The following MFAP3L variants were observed in gnomAD, a reference collection of about 807,000 sequenced individuals.
MFAP3L encodes the protein microfibril associated protein 3 like, also known as microfibrillar-associated protein 3-like.
In MFAP3L, 5 loss-of-function variants were observed where a neutral mutation model predicts 20.0. The observed-to-expected ratio is 0.25, with a 90% CI of 0.13 to 0.53. MFAP3L has a LOEUF of 0.53. MFAP3L is among the 20% of genes least tolerant of loss of function. MFAP3L has a pLI of 0.96. For missense variants in MFAP3L, 409 were observed against 527.5 expected (o/e 0.78, Z 2.20); for synonymous variants, 219 against 213.0 (o/e 1.03, Z -0.25).
Position 170,010,368 on chromosome 4 carries a change from T to C in MFAP3L, c.-133-4358A>G, listed in dbSNP as rs548150405. Among the ~76,000 whole-genome samples, 10 of 152,342 alleles carry C rather than the reference T, an allele frequency of 6.6e-5. No individual in the cohort carries two copies. In the South Asian group the frequency reaches 8.3e-4, roughly 13 times the overall value. ...CACCTAACACCTTTCAGGATCAGCA[T>C]AGAGTCTCTTGAACAGCATGGGTCT... On this transcript the variant is annotated intron_variant, in intron 1 of 2. Transcript: ENST00000361618.
chr4:170,008,478 G>C (rs577227719), intron 1 of MFAP3L, among the ~76,000 whole-genome samples: 1 of 152,266 alleles, frequency 6.6e-6, no homozygotes, highest in Admixed American at 6.5e-5. Flanking sequence ...AGGATTTAGG[G>C]GATGGGAAGT....
rs1163064701 is a variant in MFAP3L at position 169,989,223 on chromosome 4, G to A, written c.*2155C>T. 2 of 152,122 alleles carry A rather than the reference G, an allele frequency of 1.3e-5. No individual in the cohort carries two copies. Among genetic ancestry groups the A allele is most frequent in the East Asian group, 3.9e-4 (2 of 5,184 alleles). The allele number at this position is 152,122 out of a possible 1,614,324, so 9.4% of individuals were successfully genotyped here. On this transcript the variant is annotated 3_prime_UTR_variant, in exon 3 of 3. Transcript: ENST00000361618. ...CCCAACAGGAGTCATAATTTCTCCT[G>A]ATTTCTCACTGCTCATTTCTTTATG...
At chr4:169,997,182 T>A (rs1234848575) in intron 2 of MFAP3L, among the ~76,000 whole-genome samples, 1 of 151,984 alleles carries the variant, frequency 6.6e-6, no homozygotes, top group African/African-American at 2.4e-5. Flanking sequence ...TAAAAATAAA[T>A]TCCAACTACT....
rs1344131544 is a variant in MFAP3L, at chr4:169,988,924, AT to A, written c.*2453del. The stretch of plus-strand genomic sequence containing the variant: ...CTGAAAATCTGCCCACTTTTAGCTT[AT>A]TATCACTATTCAATGTCTAGGTGGA... On this transcript the variant is annotated 3_prime_UTR_variant, in exon 3 of 3. Coordinates refer to ENST00000361618, the MANE Select transcript of MFAP3L (RefSeq NM_021647.8). The A allele has an allele frequency of 1.3e-5, 2 of 152,152 alleles. No homozygotes were observed. The highest frequency in any genetic ancestry group is 2.9e-5 in the Non-Finnish European group (2 of 68,016). 9.4% of individuals were successfully genotyped at this position (152,152 alleles called of 1,614,324 possible). A position where few individuals can be genotyped will look rare whatever the true frequency, so the allele number is the denominator to read the frequency against.
At chr4:170,015,779 A>G (rs886924259) in intron 1 of MFAP3L, among the ~76,000 whole-genome samples, 3 of 152,120 alleles carry the variant, frequency 2.0e-5, no homozygotes, top group Non-Finnish European at 4.4e-5. Flanking sequence ...GCTGGAGTGA[A>G]GCCTGAGCCT....
intron 1 of MFAP3L, among the ~76,000 whole-genome samples, chr4:170,015,853 C>T (rs1739666843): frequency 6.6e-6 from 1 of 152,096 alleles, no homozygotes; most frequent in Admixed American, 6.5e-5. Context: ...GTAGCCATGC[C>T]ACGGACCCAA....
chr4:170,022,924 C>T (rs1740127839), intron 1 of MFAP3L, among the ~76,000 whole-genome samples: 1 of 152,204 alleles, frequency 6.6e-6, no homozygotes, highest in South Asian at 2.1e-4. Context: ...GTGCATTGGG[C>T]CCACCTGTAT....
At chr4:170,015,943 T>C (rs1328222481) in intron 1 of MFAP3L, among the ~76,000 whole-genome samples, 1 of 152,204 alleles carries the variant, frequency 6.6e-6, no homozygotes, top group Non-Finnish European at 1.5e-5. Flanking sequence ...GCCCGTGTCT[T>C]TGGGCCTTGA....
intron 2 of MFAP3L, chr4:170,004,848 A>C (rs1360889651): frequency 6.6e-6 from 1 of 152,234 alleles, no homozygotes; most frequent in South Asian, 2.1e-4. Flanking sequence ...CTAGGAAAGC[A>C]GATTAACTCC....
rs1262630545 is a variant in MFAP3L, at chr4:169,991,746, T to G, written c.862A>C (p.Thr288Pro). ...QEAADRDEVY[T>P]IPNSLKRSDS... ...CTCCGCTTCAGAGAGTTGGGGATTGTGTAGACCTCATCCCTGTCTGCGGCC... is the reference window on the plus strand; with the variant it reads ...CTCCGCTTCAGAGAGTTGGGGATTGGGTAGACCTCATCCCTGTCTGCGGCC... Residue 288 changes from threonine to proline, a missense_variant, in exon 3 of 3, where the codon ACA becomes CCA. Physicochemically the swap from Thr to Pro is conservative, Grantham distance 38 (BLOSUM62 -1). Around this residue, in one of 3 missense-constraint regions of MFAP3L, gnomAD observed 169 missense variants for 178.2 expected, o/e 0.95. Coordinates refer to ENST00000361618, the MANE Select transcript of MFAP3L (RefSeq NM_021647.8). The surrounding 1 kb of genome is among the most constrained non-coding windows in gnomAD (Gnocchi z 4.9). The G allele has an allele frequency of 6.2e-7, 1 of 1,614,084 alleles. No individual in the cohort carries two copies. Among genetic ancestry groups the G allele is most frequent in the Non-Finnish European group, 8.5e-7 (1 of 1,180,002 alleles).
At chr4:170,002,929 C>A (rs1738767080) in intron 2 of MFAP3L, among the ~76,000 whole-genome samples, 1 of 151,800 alleles carries the variant, frequency 6.6e-6, no homozygotes. Context: ...AAATCTATGT[C>A]CATATTATAA....
At chr4:170,025,474 T>C (rs79870105) in intron 1 of MFAP3L, among the ~76,000 whole-genome samples, 1,959 of 152,336 alleles carry the variant, frequency 0.013, 40 homozygotes, top group African/African-American at 0.045. Context: ...TTTTCTACAA[T>C]GTGAGCAGAT....
intron 2 of MFAP3L, among the ~76,000 whole-genome samples, chr4:170,000,964 C>G (rs1738575076): frequency 6.6e-6 from 1 of 152,138 alleles, no homozygotes; most frequent in African/African-American, 2.4e-5. Flanking sequence ...CTCAAGTGAC[C>G]CTCCCATCTT....
intron 1 of MFAP3L, among the ~76,000 whole-genome samples, chr4:170,009,776 T>G (rs1560983748): frequency 6.6e-6 from 1 of 152,248 alleles, no homozygotes; most frequent in Non-Finnish European, 1.5e-5. Context: ...AAATGCTTTG[T>G]TCAGTCCTAT....
At chr4:170,014,458 G>C (rs1739574208) in intron 1 of MFAP3L, among the ~76,000 whole-genome samples, 1 of 152,180 alleles carries the variant, frequency 6.6e-6, no homozygotes, top group Admixed American at 6.5e-5. Flanking sequence ...TTTTTGGCTA[G>C]AAAAATGGCT....
Position 170,026,315 on chromosome 4 carries a change from G to A in MFAP3L, c.-215C>T. On this transcript the variant is annotated 5_prime_UTR_variant, in exon 1 of 3. Coordinates refer to ENST00000361618, the MANE Select transcript of MFAP3L (RefSeq NM_021647.8). ...GACAGCGGCCGCTGCGCCGCACTCT[G>A]CGCCGGACGCCCGGTAGCGCCTACT... is the stretch of plus-strand genomic sequence containing the variant. 1.0e-6 allele frequency: 1 copy of A among 982,522 alleles called. No individual in the cohort carries two copies. The highest frequency in any genetic ancestry group is 1.2e-6 in the Non-Finnish European group (1 of 828,192). 60.9% of individuals were successfully genotyped at this position (982,522 alleles called of 1,614,324 possible).
At chr4:169,997,264 TAGGA>T (rs1413984949) in intron 2 of MFAP3L, among the ~76,000 whole-genome samples, 8 of 152,146 alleles carry the variant, frequency 5.3e-5, no homozygotes, top group Non-Finnish European at 8.8e-5. Context: ...AACCTGGAAA[TAGGA>T]AGTCCTTTTT....
intron 1 of MFAP3L, among the ~76,000 whole-genome samples, chr4:170,011,290 G>GA (rs879780734): frequency 4.0e-5 from 6 of 151,862 alleles, no homozygotes; most frequent in Non-Finnish European, 5.9e-5. Flanking sequence ...GAAATCTGTG[G>GA]AAAAAAAATG....
intron 2 of MFAP3L, among the ~76,000 whole-genome samples, chr4:169,995,461 T>C (rs1738075346): frequency 6.6e-6 from 1 of 152,232 alleles, no homozygotes; most frequent in South Asian, 2.1e-4. Context: ...CGTACAGCTC[T>C]GAAAACTAAA....
Sources: allele counts gnomAD v4.1 joint callset (sites outside exome capture counted in the v4.1 genomes callset), GRCh38; gene constraint gnomAD v4.1.1; regional missense constraint gnomAD v4.1.1; non-coding constraint Gnocchi (gnomAD v3.1); transcripts MANE v1.5; gene names NCBI Gene and HGNC (gene_info 2026-07-23, HGNC 2026-07-21).